The following SULF2 variants were observed in gnomAD, a reference collection of about 807,000 sequenced individuals.
SULF2 encodes extracellular sulfatase Sulf-2.
Under a neutral mutation model 107.7 loss-of-function variants are expected in SULF2, and 52 were observed. That is an observed-to-expected ratio of 0.48 (90% CI 0.39 to 0.61). SULF2 has a LOEUF of 0.61. Ranked by LOEUF, SULF2 falls within the 20% of genes least tolerant of loss-of-function variation. The pLI, the probability that SULF2 is intolerant of heterozygous loss-of-function variation, is 0.00. For synonymous variants in SULF2, 460 were observed against 464.3 expected, an observed-to-expected ratio of 0.99 and a Z score of 0.12; for missense variants, 993 against 1,177.3, an observed-to-expected ratio of 0.84 and a Z score of 2.29.
At chr20:47,716,995 C>G (rs908834227) in intron 3 of SULF2, among the ~76,000 whole-genome samples, 1 of 151,934 alleles carries the variant, frequency 6.6e-6, no homozygotes, top group South Asian at 2.1e-4. Flanking sequence ...GGGTGACAAG[C>G]GAGACCCTAT....
intron 5 of SULF2, among the ~76,000 whole-genome samples, chr20:47,687,793 G>C (rs2088062627): frequency 6.6e-6 from 1 of 151,530 alleles, no homozygotes. Flanking sequence ...CTGCAGCCTC[G>C]ACCTCTTGGG....
intron 1 of SULF2, among the ~76,000 whole-genome samples, chr20:47,768,610 TTAC>T (rs1208276126): frequency 6.6e-6 from 1 of 152,228 alleles, no homozygotes; most frequent in Non-Finnish European, 1.5e-5. Context: ...ACTCTCCGCC[TTAC>T]TGAGGGCCAA....
At chr20:47,728,089 C>A (rs2089493418) in intron 3 of SULF2, among the ~76,000 whole-genome samples, 1 of 152,150 alleles carries the variant, frequency 6.6e-6, no homozygotes, top group Non-Finnish European at 1.5e-5. Context: ...AGGCTACCTG[C>A]TGTGAGCAGT....
intron 2 of SULF2, among the ~76,000 whole-genome samples, chr20:47,743,089 G>T (rs1468909040): frequency 6.6e-6 from 1 of 152,016 alleles, no homozygotes; most frequent in East Asian, 1.9e-4. Context: ...TAACTAGTGA[G>T]ATGCCTTCCT....
chr20:47,720,611 T>A (rs2089266334), intron 3 of SULF2, among the ~76,000 whole-genome samples: 1 of 152,086 alleles, frequency 6.6e-6, no homozygotes, highest in Admixed American at 6.6e-5. Context: ...ATTTCCAGAT[T>A]TTAAAAAGCA....
chr20:47,706,606 G>A (rs2088745650), intron 3 of SULF2: 1 of 152,282 alleles, frequency 6.6e-6, no homozygotes, highest in Non-Finnish European at 1.5e-5. Context: ...GTGCCTAGTG[G>A]ATTTGAAGGG....
chr20:47,706,619 G>A (rs933129438), intron 3 of SULF2: 1 of 152,288 alleles, frequency 6.6e-6, no homozygotes, highest in Non-Finnish European at 1.5e-5. Context: ...TTGAAGGGCC[G>A]AAGTGGGCAT....
intron 3 of SULF2, among the ~76,000 whole-genome samples, chr20:47,720,336 A>C (rs1052766691): frequency 2.0e-5 from 3 of 152,130 alleles, no homozygotes; most frequent in Non-Finnish European, 2.9e-5. Flanking sequence ...GGCTCACTGC[A>C]ACCACTGCCT....
intron 1 of SULF2, among the ~76,000 whole-genome samples, chr20:47,782,530 T>G (rs1237480154): frequency 6.6e-6 from 1 of 152,146 alleles, no homozygotes; most frequent in Non-Finnish European, 1.5e-5. Context: ...CGCCCAGGCC[T>G]GACACAGAGC....
At position 47,765,091 on chromosome 20, in the gene SULF2, T is replaced by C. The variant is rs1018583387; in HGVS notation, c.-100-7628A>G. Among the ~76,000 whole-genome samples, 9 of 152,074 alleles carry C rather than the reference T, an allele frequency of 5.9e-5. No homozygotes were observed. In the East Asian group the frequency reaches 7.7e-4, roughly 13 times the overall value. On this transcript the variant is annotated intron_variant, in intron 1 of 20. Coordinates refer to ENST00000688720, the MANE Select transcript of SULF2 (RefSeq NM_001387048.1). ...AGAGGGCTGGGCGCGGCAGCTCACG[T>C]CTGTAATCCCAGCACTTTGGGAGGC...
chr20:47,759,842 T>C (rs1053616360), intron 1 of SULF2, among the ~76,000 whole-genome samples: 1 of 152,202 alleles, frequency 6.6e-6, no homozygotes, highest in Non-Finnish European at 1.5e-5. Flanking sequence ...TTATAACCGG[T>C]TTTATTTCTC....
At chr20:47,708,547 C>A (rs1046412065) in intron 3 of SULF2, among the ~76,000 whole-genome samples, 1 of 152,138 alleles carries the variant, frequency 6.6e-6, no homozygotes, top group Non-Finnish European at 1.5e-5. Flanking sequence ...CTGAAAGGAG[C>A]CCAGATCACA....
chr20:47,738,797 A>G (rs191832114), intron 2 of SULF2, among the ~76,000 whole-genome samples: 1 of 152,194 alleles, frequency 6.6e-6, no homozygotes, highest in Admixed American at 6.5e-5. Context: ...TTTCTAAATT[A>G]CCCAGTCTCG....
chr20:47,703,558 G>A (rs1317922566), intron 3 of SULF2, among the ~76,000 whole-genome samples: 2 of 152,202 alleles, frequency 1.3e-5, no homozygotes, highest in African/African-American at 4.8e-5. Context: ...CTCACACACT[G>A]AGTGGCTGCC....
At chr20:47,695,425 A>G (rs2088342209) in intron 4 of SULF2, among the ~76,000 whole-genome samples, 1 of 152,140 alleles carries the variant, frequency 6.6e-6, no homozygotes, top group Non-Finnish European at 1.5e-5. Context: ...ATACATCTTG[A>G]ACAGGAACTC....
At chr20:47,724,572 T>G (rs1166127698) in intron 3 of SULF2, among the ~76,000 whole-genome samples, 1 of 152,202 alleles carries the variant, frequency 6.6e-6, no homozygotes, top group Non-Finnish European at 1.5e-5. Context: ...GCCCATTCAT[T>G]CCCTGGAAAC....
chr20:47,672,656 C>G (rs2087516610), intron 10 of SULF2: 1 of 604,848 alleles, frequency 1.7e-6, no homozygotes, highest in Non-Finnish European at 2.1e-6. Flanking sequence ...TCCTAAAATC[C>G]ACCCACATGG....
At chr20:47,712,687 G>A (rs897266050) in intron 3 of SULF2, among the ~76,000 whole-genome samples, 28 of 152,150 alleles carry the variant, frequency 1.8e-4, no homozygotes, top group Non-Finnish European at 2.2e-4. Context: ...AATGTTAAGC[G>A]TCACACCCCT....
intron 11 of SULF2, 74 bp downstream of exon 11, chr20:47,672,124 C>CG (rs1391383045): frequency 1.4e-6 from 2 of 1,463,830 alleles, no homozygotes; most frequent in Non-Finnish European, 1.9e-6. Flanking sequence ...GTGGAACTGT[C>CG]GGAGTGAATG....
Sources: gnomAD v4.1 joint callset for allele counts (sites outside exome capture counted in the v4.1 genomes callset) on GRCh38, gnomAD v4.1.1 for gene constraint, MANE v1.5 for transcripts, NCBI Gene and HGNC (gene_info 2026-07-23, HGNC 2026-07-21) for gene names.